Variants in ABCA13 observed in about 807,000 individuals in gnomAD.
The protein encoded by ABCA13 is ATP binding cassette subfamily A member 13.
A neutral mutation model predicts 478.7 loss-of-function variants in ABCA13; 476 were observed. The observed-to-expected ratio is 0.99, with a 90% CI of 0.92 to 1.07. The LOEUF is 1.07. ABCA13 is among the 50% of genes least tolerant of loss of function. The pLI, the probability that ABCA13 is intolerant of heterozygous loss-of-function variation, is 0.00. For synonymous variants in ABCA13, 2,252 were observed against 2,158.9 expected, an observed-to-expected ratio of 1.04 and a Z score of -1.20; for missense variants, 6,060 against 5,910.6, an observed-to-expected ratio of 1.03 and a Z score of -0.83.
At chr7:48,358,077 G>T (rs1048117463) in intron 31 of ABCA13, among the ~76,000 whole-genome samples, 12 of 151,456 alleles carry the variant, frequency 7.9e-5, no homozygotes, top group East Asian at 7.8e-4. Flanking sequence ...AGGAGGCAAA[G>T]GTTGTAGTGA....
intron 42 of ABCA13, among the ~76,000 whole-genome samples, chr7:48,454,253 C>G (rs957507833): frequency 2.0e-4 from 30 of 152,200 alleles, no homozygotes; most frequent in African/African-American, 7.2e-4. Flanking sequence ...ACCTCTGTCT[C>G]TGCTCCCAGC....
Position 48,392,063 on chromosome 7 carries a change from C to T in ABCA13, c.11797C>T (p.Arg3933Trp), listed in dbSNP as rs755420119. Residue 3933 changes from arginine (R) to tryptophan (W), a missense_variant, in exon 38 of 62, where the codon CGG (arginine) becomes TGG (tryptophan). Physicochemically the swap from Arg to Trp is moderately radical, Grantham distance 101. Coordinates refer to ENST00000435803, the MANE Select transcript of ABCA13 (RefSeq NM_152701.5). The part of the protein sequence containing the change: ...QDILLDNLTV[R>W]EHLLLFASIK... ...CATCCTGTTGGACAACCTCACCGTCCGGGAACATTTGCTGCTCTTTGCTTC... is the reference window on the plus strand; with the variant it reads ...CATCCTGTTGGACAACCTCACCGTCTGGGAACATTTGCTGCTCTTTGCTTC... The T allele has an allele frequency of 4.3e-5, 69 of 1,613,910 alleles. 1 individual carries two copies. The highest frequency in any genetic ancestry group is 2.9e-4 in the African/African-American group (22 of 75,012).
intron 53 of ABCA13, among the ~76,000 whole-genome samples, chr7:48,523,489 C>T (rs1832692815): frequency 6.6e-6 from 1 of 151,850 alleles, no homozygotes; most frequent in Admixed American, 6.6e-5. Context: ...TATTACATGG[C>T]AATTTACACT....
At chr7:48,205,059 T>G (rs1435233429) in intron 3 of ABCA13, among the ~76,000 whole-genome samples, 1 of 152,266 alleles carries the variant, frequency 6.6e-6, no homozygotes. Context: ...TGCCTAGGCA[T>G]GTCTCTTGAT....
chr7:48,337,956 A>G (rs1314934305), intron 28 of ABCA13, among the ~76,000 whole-genome samples: 2 of 152,194 alleles, frequency 1.3e-5, no homozygotes, highest in Non-Finnish European at 2.9e-5. Context: ...AGGGTTTGGG[A>G]AATTCTGAAA....
Position 48,427,822 on chromosome 7 carries a change from T to G in ABCA13, c.12516T>G (p.Thr4172=). 2 of 1,613,444 alleles carry G rather than the reference T, an allele frequency of 1.2e-6. No individual in the cohort carries two copies. The highest frequency in any genetic ancestry group is 1.7e-6 in the Non-Finnish European group (2 of 1,179,592). The change falls in exon 42 of 62, where the codon ACT becomes ACG. Residue 4172 remains threonine (T), a synonymous_variant. Transcript: ENST00000435803. The stretch of plus-strand genomic sequence containing the variant: ...AGAAATCTCACATTGCCCTGGGGAC[T>G]GAGTCAGAGCTGCAGAACCACAGGC... ...SNKKSHIALG[T]ESELQNHRPT...
chr7:48,208,149 A>G (rs949403051), intron 3 of ABCA13, among the ~76,000 whole-genome samples: 5 of 152,118 alleles, frequency 3.3e-5, no homozygotes, highest in Non-Finnish European at 7.4e-5. Flanking sequence ...CCATTGGTCT[A>G]TGTGTCTGTT....
chr7:48,306,438 T>C (rs1235419264), intron 23 of ABCA13, among the ~76,000 whole-genome samples: 4 of 152,168 alleles, frequency 2.6e-5, no homozygotes, highest in African/African-American at 9.7e-5. Context: ...TTCCCCTGAA[T>C]TGGGGGTTTG....
chr7:48,410,023 G>A (rs11760658), intron 39 of ABCA13, among the ~76,000 whole-genome samples: 8,749 of 147,612 alleles, frequency 0.059, 299 homozygotes, highest in Non-Finnish European at 0.08. Flanking sequence ...GAACCCGGGA[G>A]GTGGAGTTTG....
At chr7:48,218,036 A>G (rs1178749464) in intron 3 of ABCA13, among the ~76,000 whole-genome samples, 2 of 152,204 alleles carry the variant, frequency 1.3e-5, no homozygotes, top group Admixed American at 6.5e-5. Flanking sequence ...TTAACATTTA[A>G]TCAGGATTTT....
At chr7:48,432,205 A>G (rs1822241968) in intron 42 of ABCA13, among the ~76,000 whole-genome samples, 3 of 152,176 alleles carry the variant, frequency 2.0e-5, no homozygotes, top group Admixed American at 6.5e-5. Context: ...CAAATGGCCA[A>G]CAGGTATATG....
chr7:48,543,421 C>T (rs1169487109), intron 55 of ABCA13, among the ~76,000 whole-genome samples: 3 of 151,486 alleles, frequency 2.0e-5, no homozygotes, highest in African/African-American at 7.3e-5. Context: ...GTTAGGAGTT[C>T]GAGACCAGCC....
chr7:48,413,585 G>C (rs1819561169), intron 41 of ABCA13, among the ~76,000 whole-genome samples: 1 of 152,128 alleles, frequency 6.6e-6, no homozygotes, highest in South Asian at 2.1e-4. Flanking sequence ...AAAAAATCAA[G>C]TGCTGCAAGT....
At chr7:48,411,165 CTCTTTCTT>C (rs200920307) in intron 40 of ABCA13, among the ~76,000 whole-genome samples, 16 of 135,370 alleles carry the variant, frequency 1.2e-4, no homozygotes, top group South Asian at 4.6e-4. Flanking sequence ...CCCTTCCCTT[CTCTTTCTT>C]TCTTTCTTTC....
chr7:48,307,368 A>C (rs1801061029), intron 23 of ABCA13, among the ~76,000 whole-genome samples: 1 of 152,226 alleles, frequency 6.6e-6, no homozygotes, highest in Non-Finnish European at 1.5e-5. Flanking sequence ...ATATCAAAAC[A>C]TAGAAAACAC....
intron 56 of ABCA13, among the ~76,000 whole-genome samples, chr7:48,584,490 C>T (rs1274098396): frequency 6.6e-6 from 1 of 152,150 alleles, no homozygotes; most frequent in Non-Finnish European, 1.5e-5. Context: ...TGTCCCAAAG[C>T]TGTGTACATT....
intron 55 of ABCA13, among the ~76,000 whole-genome samples, chr7:48,550,334 G>GCAACCTCTCCC (rs1211238929): frequency 6.6e-6 from 1 of 150,624 alleles, no homozygotes; most frequent in Non-Finnish European, 1.5e-5. Flanking sequence ...TCAGCTCATT[G>GCAACCTCTCCC]CAACCTCTCC....
In ABCA13 at chr7:48,224,867, C is replaced by T. The variant is rs140377560; in HGVS notation, c.469-2395C>T. Among the ~76,000 whole-genome samples, 377 of 152,228 alleles carry T rather than the reference C, an allele frequency of 2.5e-3. 5 individuals are homozygous for T. Among genetic ancestry groups the T allele is most frequent in the African/African-American group, 8.6e-3 (359 of 41,522 alleles). On this transcript the variant is annotated intron_variant, in intron 5 of 61. Coordinates refer to ENST00000435803, the MANE Select transcript of ABCA13 (RefSeq NM_152701.5). Reference sequence around the variant, plus strand: ...TTAATCGCTGCAGCATTCTTTCCACCTCCTCAGCTCCTTCTTCCTGGGACC... The same window carrying T: ...TTAATCGCTGCAGCATTCTTTCCACTTCCTCAGCTCCTTCTTCCTGGGACC...
At chr7:48,442,264 G>A (rs66541893) in intron 42 of ABCA13, among the ~76,000 whole-genome samples, 1 of 151,718 alleles carries the variant, frequency 6.6e-6, no homozygotes, top group Non-Finnish European at 1.5e-5. Context: ...TTGGCAGCTT[G>A]GGCTGCCAAA....
Sources: allele counts gnomAD v4.1 joint callset (sites outside exome capture counted in the v4.1 genomes callset), GRCh38; gene constraint gnomAD v4.1.1; transcripts MANE v1.5; gene names NCBI Gene and HGNC (gene_info 2026-07-23, HGNC 2026-07-21).